Variants in CREM observed in about 807,000 individuals in gnomAD.
The protein encoded by CREM is cAMP responsive element modulator, also known as cAMP-responsive element modulator.
CREM carries 13 observed loss-of-function variants against 37.3 expected under a neutral mutation model. That is an observed-to-expected ratio of 0.35 (90% CI 0.23 to 0.55). CREM has a LOEUF of 0.55. CREM is among the 20% of genes least tolerant of loss of function. The pLI is 0.88. For missense variants in CREM, 296 were observed against 362.3 expected (o/e 0.82, Z 1.49); for synonymous variants, 124 against 120.2 (o/e 1.03, Z -0.21).
intron 1 of CREM, among the ~76,000 whole-genome samples, chr10:35,134,574 GTT>G (rs1476364413): frequency 6.6e-6 from 1 of 152,122 alleles, no homozygotes; most frequent in East Asian, 1.9e-4. Flanking sequence ...TATTGTATTT[GTT>G]TGCTTATATT....
At chr10:35,206,694 G>C (rs903259739) in intron 6 of CREM, among the ~76,000 whole-genome samples, 1 of 152,154 alleles carries the variant, frequency 6.6e-6, no homozygotes, top group Non-Finnish European at 1.5e-5. Flanking sequence ...AGTGTTTAGA[G>C]CATGCTAAAT....
chr10:35,163,408 G>A (rs1386540197), intron 3 of CREM, among the ~76,000 whole-genome samples: 1 of 152,058 alleles, frequency 6.6e-6, no homozygotes, highest in African/African-American at 2.4e-5. Flanking sequence ...AAGAGGCCAG[G>A]TATGATGGCT....
chr10:35,191,728 T>G (rs543951354), intron 6 of CREM, among the ~76,000 whole-genome samples: 1 of 152,250 alleles, frequency 6.6e-6, no homozygotes, highest in East Asian at 1.9e-4. Flanking sequence ...GGGCTAAGCT[T>G]CCCCTGCCCC....
intron 2 of CREM, among the ~76,000 whole-genome samples, chr10:35,140,672 T>G (rs975672283): frequency 6.6e-6 from 1 of 152,182 alleles, no homozygotes; most frequent in Non-Finnish European, 1.5e-5. Flanking sequence ...GTAAATGCTT[T>G]GGGAACTCAA....
In CREM at chr10:35,136,519, C is replaced by T. The variant is rs535525783; in HGVS notation, c.-54-1263C>T. ...TCTTGTGAGGAGCCTGTTCAAATGC[C>T]CTACTGTCTCTTGTCCCTATGCTGG... On this transcript the variant is annotated intron_variant, in intron 1 of 7. Coordinates refer to ENST00000685392, the MANE Select transcript of CREM (RefSeq NM_183011.2). Among the ~76,000 whole-genome samples the T allele has an allele frequency of 5.4e-4, 83 of 152,306 alleles. 1 individual carries two copies. Among genetic ancestry groups the T allele is most frequent in the Non-Finnish European group, 9.7e-4 (66 of 68,024 alleles).
At chr10:35,135,273 A>T (rs372375060) in intron 1 of CREM, among the ~76,000 whole-genome samples, 2 of 152,208 alleles carry the variant, frequency 1.3e-5, no homozygotes, top group African/African-American at 4.8e-5. Context: ...ATAACAAACT[A>T]ATCTAAAATA....
At chr10:35,184,228 C>T (rs2094462761) in intron 5 of CREM, among the ~76,000 whole-genome samples, 1 of 152,098 alleles carries the variant, frequency 6.6e-6, no homozygotes, top group South Asian at 2.1e-4. Flanking sequence ...GGATGTGGGG[C>T]AACACAGCAA....
At chr10:35,144,738 C>CT (rs34780156) in intron 2 of CREM, among the ~76,000 whole-genome samples, 44,087 of 146,974 alleles carry the variant, frequency 0.3, 6,753 homozygotes, top group South Asian at 0.35. Context: ...ATCATTAAAA[C>CT]TTTTTTTTTT....
chr10:35,144,020 G>A (rs1048186605), intron 2 of CREM, among the ~76,000 whole-genome samples: 2 of 152,218 alleles, frequency 1.3e-5, no homozygotes, highest in Non-Finnish European at 2.9e-5. Flanking sequence ...TGATTTGAGT[G>A]TGATTCTGGC....
intron 6 of CREM, among the ~76,000 whole-genome samples, chr10:35,191,972 T>C (rs971630340): frequency 1.4e-4 from 22 of 152,342 alleles, no homozygotes; most frequent in African/African-American, 5.3e-4. Context: ...TGTCCAGTAT[T>C]CTTCCCAGTC....
chr10:35,203,748 T>C (rs769795965), intron 6 of CREM, among the ~76,000 whole-genome samples: 16 of 151,980 alleles, frequency 1.1e-4, no homozygotes, highest in Middle Eastern at 6.8e-3. Context: ...TTTTTTAAAC[T>C]AGCTTTTGTA....
intron 3 of CREM, among the ~76,000 whole-genome samples, chr10:35,169,649 G>A (rs1233981429): frequency 6.6e-6 from 1 of 152,198 alleles, no homozygotes; most frequent in African/African-American, 2.4e-5. Context: ...AGTGGTGAGA[G>A]AGGGCATCCC....
chr10:35,161,060 A>G (rs969431465), intron 3 of CREM, among the ~76,000 whole-genome samples: 5 of 152,210 alleles, frequency 3.3e-5, no homozygotes, highest in African/African-American at 4.8e-5. Context: ...AATAAAAAGT[A>G]TGGTAAATAC....
At chr10:35,132,201 CAAAAAAAAAAAAAAAAGA>C (rs2089545802) in intron 1 of CREM, among the ~76,000 whole-genome samples, 1 of 49,208 alleles carries the variant, frequency 2.0e-5, no homozygotes, top group African/African-American at 6.6e-5. Flanking sequence ...ACTTGAGTCT[CAAAAAAAAAAAAAAAAGA>C]AAAAAAAATT....
At chr10:35,164,202 G>A (rs1287814547) in intron 3 of CREM, among the ~76,000 whole-genome samples, 2 of 152,168 alleles carry the variant, frequency 1.3e-5, no homozygotes, top group Non-Finnish European at 2.9e-5. Flanking sequence ...TAGATTAAAT[G>A]AGATGATTTG....
At chr10:35,128,877 A>G (rs936937385) in intron 1 of CREM, among the ~76,000 whole-genome samples, 3 of 152,208 alleles carry the variant, frequency 2.0e-5, no homozygotes, top group East Asian at 1.9e-4. Context: ...TTCCTAAGTC[A>G]TAGTAGTCTT....
At chr10:35,170,413 A>G (rs1372354972) in intron 3 of CREM, among the ~76,000 whole-genome samples, 7 of 152,202 alleles carry the variant, frequency 4.6e-5, no homozygotes, top group African/African-American at 1.4e-4. Flanking sequence ...TGCTGGCCTC[A>G]TAAGATGAGT....
At chr10:35,191,644 T>G (rs1209195570) in intron 6 of CREM, among the ~76,000 whole-genome samples, 1 of 152,158 alleles carries the variant, frequency 6.6e-6, no homozygotes, top group Non-Finnish European at 1.5e-5. Flanking sequence ...TGTCGACTTC[T>G]GCTTCCTCCA....
chr10:35,166,085 T>C (rs2093537489), intron 3 of CREM, among the ~76,000 whole-genome samples: 1 of 151,474 alleles, frequency 6.6e-6, no homozygotes, highest in South Asian at 2.1e-4. Flanking sequence ...GCGCTATACA[T>C]AAAAAAAAGG....
Sources: allele counts gnomAD v4.1 joint callset (sites outside exome capture counted in the v4.1 genomes callset), GRCh38; gene constraint gnomAD v4.1.1; transcripts MANE v1.5; gene names NCBI Gene and HGNC (gene_info 2026-07-23, HGNC 2026-07-21).